FN1: variants seen among roughly 807,000 people sequenced by gnomAD.
FN1 encodes the protein fibronectin.
FN1 carries 106 observed loss-of-function variants against 297.3 expected under a neutral mutation model. The observed-to-expected ratio is 0.36, with a 90% CI of 0.30 to 0.42. The LOEUF is 0.42. FN1 is among the 10% of genes least tolerant of loss of function. The pLI is 1.00. For missense variants in FN1, 2,690 were observed against 3,124.9 expected, an observed-to-expected ratio of 0.86 and a Z score of 3.32; for synonymous variants, 1,149 against 1,152.6, an observed-to-expected ratio of 1.00 and a Z score of 0.06.
chr2:215,404,763 A>C, intron 19 of FN1, 108 bp from the exon 20 acceptor site: 1 of 1,083,472 alleles, frequency 9.2e-7, no homozygotes, highest in Admixed American at 1.8e-5. Context: ...CAAGGTTGTA[A>C]CTATGTGAAA....
chr2:215,435,580 C>G (rs762193473), intron 1 of FN1, 75 bp downstream of exon 1: 222 of 1,597,728 alleles, frequency 1.4e-4, no homozygotes, highest in Non-Finnish European at 1.8e-4. Context: ...GCGCACAAAA[C>G]TTCAGCCCCA....
At chr2:215,368,123 C>G (rs2055030618) in intron 41 of FN1, 96 bp from the exon 42 acceptor site, 1 of 1,284,308 alleles carries the variant, frequency 7.8e-7, no homozygotes, top group African/African-American at 1.5e-5. Flanking sequence ...ATGACTTAAT[C>G]TAAAACAAGA....
In FN1 at chr2:215,382,249, G is replaced by C. The variant is rs778102824; in HGVS notation, c.5127C>G (p.Ser1709Arg). Residue 1709 changes from serine (S) to arginine (R), a missense_variant, in exon 32 of 46, where the codon AGC becomes AGG. Ser to Arg is a moderately radical substitution (Grantham distance 110). This residue lies in a region of FN1 where 1,743 missense variants were observed against 1,945.2 expected (regional missense o/e 0.90). Coordinates refer to ENST00000354785, the MANE Select transcript of FN1 (RefSeq NM_212482.4). Reference protein sequence around the residue: ...YVVSVYAQNPSGESQPLVQTA... With the variant: ...YVVSVYAQNPRGESQPLVQTA... ...TCTGAACCAGAGGCTGACTCTCTCC[G>C]CTTGGATTCTGAGCATAGACACTAA... The C allele has an allele frequency of 6.2e-7, 1 of 1,613,542 alleles. No homozygotes were observed. The highest frequency in any genetic ancestry group is 8.5e-7 in the Non-Finnish European group (1 of 1,179,612).
chr2:215,371,935 C>G lies in FN1; in HGVS notation c.6688G>C (p.Val2230Leu). ...TGTAAGGGTTCTTCATCAGTGCCAA[C>G]AGGATGACATGAAATGATGTACTCA... is the stretch of plus-strand genomic sequence containing the variant. ...TSEYIISCHPVGTDEEPLQFR... is the reference protein window; with the variant it reads ...TSEYIISCHPLGTDEEPLQFR... The change falls in exon 40 of 46, where the codon GTT becomes CTT. Residue 2230 changes from valine to leucine, a missense_variant. Val to Leu is a conservative substitution (Grantham distance 32, BLOSUM62 1). Transcript: ENST00000354785. 1 of 1,614,062 alleles carries G rather than the reference C, an allele frequency of 6.2e-7. No homozygotes were observed. The highest frequency in any genetic ancestry group is 1.1e-5 in the South Asian group (1 of 91,070).
intron 26 of FN1, among the ~76,000 whole-genome samples, chr2:215,390,322 C>T (rs1030326540): frequency 2.0e-5 from 3 of 152,102 alleles, no homozygotes; most frequent in Admixed American, 2.0e-4. Flanking sequence ...ATAGCTGAGA[C>T]CACAGGTGTG....
intron 24 of FN1, 109 bp downstream of exon 24, chr2:215,394,419 A>G (rs2060064622): frequency 2.0e-6 from 2 of 1,009,390 alleles, no homozygotes; most frequent in South Asian, 2.6e-5. Flanking sequence ...GGAGATCGGA[A>G]TTAAATCCCA....
Position 215,386,684 on chromosome 2 carries a change from GT to G in FN1, c.4612+4del. 1.9e-6 allele frequency: 3 copies of G among 1,589,396 alleles called. No individual in the cohort carries two copies. The highest frequency in any genetic ancestry group is 2.6e-6 in the Non-Finnish European group (3 of 1,168,764). On this transcript the variant is annotated splice_donor_region_variant and intron_variant, in intron 28 of 45. Transcript: ENST00000354785. ...CTGAGTTTCTTTGCAGACAAGAAAA[GT>G]TACCTGTTGATTGTTGGCCAATCAA...
intron 40 of FN1, among the ~76,000 whole-genome samples, chr2:215,371,358 G>T (rs932422151): frequency 6.6e-6 from 1 of 151,120 alleles, no homozygotes. Flanking sequence ...GCACAGCTTC[G>T]CCTGTTTTTT....
intron 19 of FN1, among the ~76,000 whole-genome samples, chr2:215,405,518 T>G (rs1015921905): frequency 4.6e-5 from 7 of 151,988 alleles, no homozygotes. Flanking sequence ...CCAAAGTGGG[T>G]GGATCACTTG....
Position 215,361,316 on chromosome 2 carries a change from T to TATTTTA in FN1, c.*238_*239insTAAAAT, listed in dbSNP as rs2053400995. On this transcript the variant is annotated 3_prime_UTR_variant, in exon 46 of 46. Coordinates refer to ENST00000354785, the MANE Select transcript of FN1 (RefSeq NM_212482.4). ...TCACTTCATTTAAAATACTGAGCGG[T>TATTTTA]ATTGAATACTTCGAAGCAGAACAGG... The TATTTTA allele has an allele frequency of 1.9e-6, 1 of 533,464 alleles. No individual in the cohort carries two copies. Among genetic ancestry groups the TATTTTA allele is most frequent in the East Asian group, 3.4e-5 (1 of 29,812 alleles). The allele number at this position is 533,464 out of a possible 1,614,324, so 33.0% of individuals were successfully genotyped here.
At chr2:215,423,180 T>TCACTCA (rs1553650920) in intron 9 of FN1, among the ~76,000 whole-genome samples, 170 bp downstream of exon 9, 1 of 148,766 alleles carries the variant, frequency 6.7e-6, no homozygotes, top group Non-Finnish European at 1.5e-5. Flanking sequence ...TGATGTAACA[T>TCACTCA]CACACACACA....
In FN1 at chr2:215,409,995, G is replaced by A. The variant is rs369953184; in HGVS notation, c.2061C>T (p.Tyr687=). ...YEGQLISIQQ[Y]GHQEVTRFDF... is the part of the protein sequence containing the mutation. ...CAAAGCGAGTCACTTCTTGGTGGCC[G>A]TACTGCTGGATGCTGATGAGCTGGC... Residue 687 remains tyrosine (Y), a synonymous_variant, in exon 14 of 46, where the codon TAC becomes TAT. Transcript: ENST00000354785. 27 of 1,613,878 alleles carry A rather than the reference G, an allele frequency of 1.7e-5. No homozygotes were observed. Among genetic ancestry groups the A allele is most frequent in the South Asian group, 3.3e-5 (3 of 91,062 alleles).
At chr2:215,397,072 T>C in intron 23 of FN1, 65 bp downstream of exon 23, 1 of 1,037,016 alleles carries the variant, frequency 9.6e-7, no homozygotes, top group Non-Finnish European at 1.5e-6. Flanking sequence ...AGAAACACAG[T>C]TTCTAAAATC....
chr2:215,372,524 CT>C, intron 39 of FN1, 149 bp from the exon 40 acceptor site: 4 of 678,682 alleles, frequency 5.9e-6, no homozygotes, highest in South Asian at 4.8e-5. Context: ...TCACAAAACA[CT>C]TTTTCCAGAA....
intron 12 of FN1, among the ~76,000 whole-genome samples, chr2:215,417,967 AT>A (rs35819982): frequency 4.6e-5 from 7 of 152,164 alleles, no homozygotes; most frequent in Non-Finnish European, 7.4e-5. Flanking sequence ...ACCACAGAGC[AT>A]TTTTTTAGAA....
intron 13 of FN1, among the ~76,000 whole-genome samples, chr2:215,414,379 G>A (rs531286644): frequency 6.6e-6 from 1 of 151,690 alleles, no homozygotes; most frequent in East Asian, 1.9e-4. Flanking sequence ...CAAAAGTAAA[G>A]TTTTAAAAAT....
chr2:215,377,786 G>C (rs760283659), intron 35 of FN1, among the ~76,000 whole-genome samples: 1 of 152,120 alleles, frequency 6.6e-6, no homozygotes, highest in Non-Finnish European at 1.5e-5. Context: ...GCATAAACTA[G>C]ATGTCAGTCA....
In FN1 at chr2:215,384,907, G is replaced by A. The variant is rs758243224; in HGVS notation, c.4682C>T (p.Ala1561Val). 3 of 1,613,516 alleles carry A rather than the reference G, an allele frequency of 1.9e-6. No individual in the cohort carries two copies. Among genetic ancestry groups the A allele is most frequent in the South Asian group, 2.2e-5 (2 of 91,070 alleles). The change falls in exon 29 of 46, where the codon GCT (alanine) becomes GTT (valine). Residue 1561 changes from alanine (A) to valine (V), a missense_variant. Coordinates refer to ENST00000354785, the MANE Select transcript of FN1 (RefSeq NM_212482.4). ...GTAATATCTCACTGTGACAGCAGGA[G>A]CATCCCAGCTGATCAGTAGGCTGGT... is the stretch of plus-strand genomic sequence containing the variant. Reference protein sequence around the residue: ...TPTSLLISWDAPAVTVRYYRI... With the variant: ...TPTSLLISWDVPAVTVRYYRI...
chr2:215,392,741 G>A, intron 25 of FN1, 190 bp downstream of exon 25: 2 of 651,908 alleles, frequency 3.1e-6, no homozygotes, highest in South Asian at 3.5e-5. Context: ...GTGTACTGAA[G>A]AATACTTGCA....
Sources: gnomAD v4.1 joint callset for allele counts (sites outside exome capture counted in the v4.1 genomes callset) on GRCh38, gnomAD v4.1.1 for gene constraint, gnomAD v4.1.1 regional missense constraint, MANE v1.5 for transcripts, NCBI Gene and HGNC (gene_info 2026-07-23, HGNC 2026-07-21) for gene names.